SGIP1: variants seen among roughly 807,000 people sequenced by gnomAD.
The protein encoded by SGIP1 is SH3-containing GRB2-like protein 3-interacting protein 1.
SGIP1 carries 38 observed loss-of-function variants against 107.5 expected under a neutral mutation model. That is an observed-to-expected ratio of 0.35 (90% CI 0.27 to 0.46). The LOEUF (loss-of-function observed/expected upper bound fraction) is 0.46, where lower values mean the gene tolerates loss of function less well. SGIP1 is among the 20% of genes least tolerant of loss of function. The pLI is 1.00. For synonymous variants in SGIP1, 365 were observed against 366.1 expected, an observed-to-expected ratio of 1.00 and a Z score of 0.03; for missense variants, 929 against 1,019.5, an observed-to-expected ratio of 0.91 and a Z score of 1.21.
chr1:66,699,631 C>G (rs2091569140), intron 18 of SGIP1, among the ~76,000 whole-genome samples: 1 of 152,148 alleles, frequency 6.6e-6, no homozygotes, highest in African/African-American at 2.4e-5. Context: ...TTTTTGTACA[C>G]CAGGGACTTT....
intron 20 of SGIP1, among the ~76,000 whole-genome samples, chr1:66,730,197 A>G (rs1478581229): frequency 6.6e-6 from 1 of 152,198 alleles, no homozygotes; most frequent in African/African-American, 2.4e-5. Context: ...ATACAATTTC[A>G]TTGTAATGAT....
At chr1:66,611,961 A>G (rs546725467) in intron 1 of SGIP1, among the ~76,000 whole-genome samples, 1 of 152,294 alleles carries the variant, frequency 6.6e-6, no homozygotes, top group African/African-American at 2.4e-5. Flanking sequence ...GTATTATTCA[A>G]CAGAAGTTGT....
intron 1 of SGIP1, among the ~76,000 whole-genome samples, chr1:66,563,909 A>G (rs2059302017): frequency 2.0e-5 from 3 of 152,000 alleles, no homozygotes; most frequent in African/African-American, 7.2e-5. Context: ...GTTAGGGGCA[A>G]ATTGTAACGC....
chr1:66,625,985 A>T (rs1264970051), intron 2 of SGIP1, 75 bp downstream of exon 2: 5 of 1,149,904 alleles, frequency 4.3e-6, no homozygotes, highest in Non-Finnish European at 6.3e-6. Context: ...TCAATATAAG[A>T]TGGCCACAGT....
intron 7 of SGIP1, among the ~76,000 whole-genome samples, chr1:66,649,488 T>C (rs1337194592): frequency 6.6e-6 from 1 of 152,160 alleles, no homozygotes; most frequent in Non-Finnish European, 1.5e-5. Flanking sequence ...CATGGTCATC[T>C]CTTTCTGCTA....
intron 14 of SGIP1, among the ~76,000 whole-genome samples, chr1:66,680,155 A>G (rs1467230681): frequency 6.6e-6 from 1 of 152,220 alleles, no homozygotes; most frequent in Non-Finnish European, 1.5e-5. Context: ...GTCTAAAACT[A>G]TCTAGTCTAT....
At chr1:66,672,050 A>C (rs1328471540) in intron 11 of SGIP1, 55 bp downstream of exon 11, 2 of 1,535,110 alleles carry the variant, frequency 1.3e-6, no homozygotes, top group Non-Finnish European at 1.8e-6. Context: ...AACTTTTAAC[A>C]ATTAAGCAAA....
At chr1:66,727,577 A>T (rs1455476282) in intron 19 of SGIP1, among the ~76,000 whole-genome samples, 1 of 152,224 alleles carries the variant, frequency 6.6e-6, no homozygotes. Flanking sequence ...ATACCCGTAC[A>T]CGCGTATTCA....
chr1:66,683,183 T>C (rs553424359), intron 15 of SGIP1, among the ~76,000 whole-genome samples: 1 of 152,356 alleles, frequency 6.6e-6, no homozygotes, highest in Admixed American at 6.5e-5. Flanking sequence ...GCAATATCAA[T>C]ATTTTCAAAT....
intron 10 of SGIP1, among the ~76,000 whole-genome samples, chr1:66,671,314 A>C (rs2083734514): frequency 1.3e-5 from 2 of 152,194 alleles, no homozygotes; most frequent in Non-Finnish European, 2.9e-5. Context: ...AATTTAATCA[A>C]GTGTGTATTT....
At position 66,742,952 on chromosome 1, in the gene SGIP1, C is replaced by T. The variant is rs762323804; in HGVS notation, c.2465-121C>T. ...TATGTATCTTTTATTCGTATTGTAC[C>T]TCTGAAGTATGCAGTATCTGGCTCC... On this transcript the variant is annotated intron_variant, in intron 24 of 24. Coordinates refer to ENST00000371037, the MANE Select transcript of SGIP1 (RefSeq NM_032291.4). 2.0e-4 allele frequency: 191 copies of T among 943,420 alleles called. 1 individual carries two copies. Among genetic ancestry groups the T allele is most frequent in the Middle Eastern group, 2.0e-3 (9 of 4,450 alleles). 58.4% of individuals were successfully genotyped at this position (943,420 alleles called of 1,614,324 possible).
chr1:66,716,028 A>C (rs1408630064), intron 18 of SGIP1, among the ~76,000 whole-genome samples: 1 of 152,168 alleles, frequency 6.6e-6, no homozygotes, highest in Non-Finnish European at 1.5e-5. Context: ...ACAGGCCTAC[A>C]AAATGGGTAT....
intron 1 of SGIP1, among the ~76,000 whole-genome samples, chr1:66,612,949 G>C (rs938467870): frequency 1.3e-5 from 2 of 152,144 alleles, no homozygotes; most frequent in African/African-American, 4.8e-5. Flanking sequence ...ATTTTTAAGA[G>C]TTAAAAACTG....
At chr1:66,637,661 C>T (rs1373849548) in intron 4 of SGIP1, among the ~76,000 whole-genome samples, 2 of 151,480 alleles carry the variant, frequency 1.3e-5, no homozygotes, top group South Asian at 2.1e-4. Flanking sequence ...CTGCCTAGAT[C>T]GTCAAATTTA....
intron 7 of SGIP1, among the ~76,000 whole-genome samples, chr1:66,647,622 A>G (rs969153194): frequency 2.0e-5 from 3 of 152,210 alleles, no homozygotes; most frequent in East Asian, 3.8e-4. Flanking sequence ...TTCTTCCCAT[A>G]TATGTTTTAA....
chr1:66,601,238 G>T (rs1405188392), intron 1 of SGIP1, among the ~76,000 whole-genome samples: 1 of 151,974 alleles, frequency 6.6e-6, no homozygotes, highest in Non-Finnish European at 1.5e-5. Context: ...GGTGGCGGGC[G>T]CCTGTAGTCC....
intron 1 of SGIP1, among the ~76,000 whole-genome samples, chr1:66,612,279 G>C (rs1381706011): frequency 6.6e-6 from 1 of 152,208 alleles, no homozygotes; most frequent in Non-Finnish European, 1.5e-5. Context: ...AATCATTCAT[G>C]AGGGATCCTC....
chr1:66,577,925 T>A (rs2061307253), intron 1 of SGIP1, among the ~76,000 whole-genome samples: 1 of 152,114 alleles, frequency 6.6e-6, no homozygotes, highest in African/African-American at 2.4e-5. Context: ...GAAGTCAGGA[T>A]TCAAGACCAG....
chr1:66,653,032 T>C (rs2079058824), intron 7 of SGIP1, among the ~76,000 whole-genome samples: 1 of 152,166 alleles, frequency 6.6e-6, no homozygotes, highest in Non-Finnish European at 1.5e-5. Flanking sequence ...TCCCCAAATC[T>C]TCCACAGACA....
Sources: gnomAD v4.1 joint callset for allele counts (sites outside exome capture counted in the v4.1 genomes callset) on GRCh38, gnomAD v4.1.1 for gene constraint, MANE v1.5 for transcripts, NCBI Gene and HGNC (gene_info 2026-07-23, HGNC 2026-07-21) for gene names.